Variants in LMTK2 observed in about 807,000 individuals in gnomAD.
The protein encoded by LMTK2 is serine/threonine-protein kinase LMTK2.
Under a neutral mutation model 127.5 loss-of-function variants are expected in LMTK2, and 37 were observed. The observed-to-expected ratio is 0.29, with a 90% CI of 0.22 to 0.38. The LOEUF (loss-of-function observed/expected upper bound fraction) is 0.38, where lower values mean the gene tolerates loss of function less well. Ranked by LOEUF, LMTK2 falls within the 10% of genes least tolerant of loss-of-function variation. The pLI is 1.00. For missense variants in LMTK2, 1,694 were observed against 1,920.3 expected, an observed-to-expected ratio of 0.88 and a Z score of 2.20; for synonymous variants, 819 against 810.1, an observed-to-expected ratio of 1.01 and a Z score of -0.19.
chr7:98,192,729 C>G lies in LMTK2; in HGVS notation c.2264C>G (p.Thr755Ser), dbSNP rs1797550954. 1.9e-6 allele frequency: 3 copies of G among 1,612,690 alleles called. No homozygotes were observed. Among genetic ancestry groups the G allele is most frequent in the Non-Finnish European group, 2.5e-6 (3 of 1,179,374 alleles). Residue 755 changes from threonine (T) to serine (S), a missense_variant, in exon 11 of 14, where the codon ACT (threonine) becomes AGT (serine). By Grantham distance (58) the Thr-to-Ser change is moderately conservative. Transcript: ENST00000297293. ...ACAGAACTTAAGAATGCTGGTTTTA[C>G]TGAAGCTATGTTAGAAACGTCATGT... ...LQTELKNAGF[T>S]EAMLETSCRN... is the part of the protein sequence containing the mutation.
chr7:98,203,463 C>CAAG (rs1468846368), intron 11 of LMTK2, 111 bp from the exon 12 acceptor site: 1 of 1,373,990 alleles, frequency 7.3e-7, no homozygotes, highest in Non-Finnish European at 9.7e-7. Flanking sequence ...TGTCTTGAGA[C>CAAG]GCTTACTTCT....
At chr7:98,140,080 T>TAC (rs1259405554) in intron 2 of LMTK2, among the ~76,000 whole-genome samples, 64 of 3,102 alleles carry the variant, frequency 0.021, no homozygotes, top group East Asian at 0.062. Flanking sequence ...TTCCACAACT[T>TAC]TCTTTCTTTC....
At chr7:98,157,026 T>G (rs182531157) in intron 5 of LMTK2, among the ~76,000 whole-genome samples, 1 of 152,088 alleles carries the variant, frequency 6.6e-6, no homozygotes, top group Admixed American at 6.6e-5. Flanking sequence ...GGCTGGAGGA[T>G]TGCTTGAGCC....
chr7:98,196,151 T>C (rs779557382), intron 11 of LMTK2, among the ~76,000 whole-genome samples: 68 of 150,060 alleles, frequency 4.5e-4, no homozygotes, highest in African/African-American at 5.7e-4. Flanking sequence ...ATTGCACCAC[T>C]GCACTCCAGC....
chr7:98,184,797 G>A lies in LMTK2; in HGVS notation c.792-254G>A, dbSNP rs371602317. On this transcript the variant is annotated intron_variant, in intron 7 of 13. Coordinates refer to ENST00000297293, the MANE Select transcript of LMTK2 (RefSeq NM_014916.4). ...CATACATCCGGTTTTAATGTAGAAC[G>A]TGGTACAGATATGGTCAGTATTTAA... Among the ~76,000 whole-genome samples the A allele has an allele frequency of 6.6e-5, 10 of 152,202 alleles. No individual in the cohort carries two copies. In the East Asian group the frequency reaches 1.3e-3, roughly 20 times the overall value.
intron 1 of LMTK2, among the ~76,000 whole-genome samples, chr7:98,115,393 G>A (rs574399396): frequency 6.6e-6 from 1 of 151,870 alleles, no homozygotes; most frequent in Non-Finnish European, 1.5e-5. Flanking sequence ...ACCAGCCTGG[G>A]CGACAGAGCG....
chr7:98,158,118 C>T (rs1009629944), intron 5 of LMTK2, among the ~76,000 whole-genome samples: 5 of 152,132 alleles, frequency 3.3e-5, no homozygotes, highest in African/African-American at 4.8e-5. Context: ...TTTTGGCATA[C>T]CTTTTATTTA....
intron 1 of LMTK2, among the ~76,000 whole-genome samples, chr7:98,119,149 T>A (rs571387182): frequency 6.6e-6 from 1 of 150,570 alleles, no homozygotes; most frequent in South Asian, 2.1e-4. Flanking sequence ...ACCAGCTGAA[T>A]CAAAATGCTG....
chr7:98,161,328 A>G (rs1797013485), intron 6 of LMTK2, among the ~76,000 whole-genome samples: 1 of 152,216 alleles, frequency 6.6e-6, no homozygotes, highest in Non-Finnish European at 1.5e-5. Context: ...CCTGCCCCAA[A>G]GGAGCTGGAA....
At chr7:98,157,829 TG>T (rs985437957) in intron 5 of LMTK2, among the ~76,000 whole-genome samples, 5 of 152,132 alleles carry the variant, frequency 3.3e-5, no homozygotes, top group African/African-American at 1.2e-4. Flanking sequence ...GGGGTACACA[TG>T]GGTGGGGCGG....
intron 1 of LMTK2, among the ~76,000 whole-genome samples, chr7:98,128,224 C>T (rs1796471177): frequency 6.6e-6 from 1 of 152,200 alleles, no homozygotes; most frequent in Non-Finnish European, 1.5e-5. Context: ...CTGAGTTTTA[C>T]CCCTCCATGT....
At chr7:98,147,922 G>A (rs1346314637) in intron 3 of LMTK2, among the ~76,000 whole-genome samples, 1 of 152,134 alleles carries the variant, frequency 6.6e-6, no homozygotes, top group African/African-American at 2.4e-5. Context: ...TTGATGTAAA[G>A]TCTTTTCTAG....
chr7:98,110,672 G>C (rs1177933736), intron 1 of LMTK2, among the ~76,000 whole-genome samples: 1 of 152,220 alleles, frequency 6.6e-6, no homozygotes, highest in Non-Finnish European at 1.5e-5. Flanking sequence ...GAAAGATCTT[G>C]TATATGTGAA....
At chr7:98,141,246 C>G in intron 2 of LMTK2, 151 bp from the exon 3 acceptor site, 1 of 642,748 alleles carries the variant, frequency 1.6e-6, no homozygotes, top group Admixed American at 2.9e-5. Context: ...TGTTTGGAGT[C>G]AGAGAACAAA....
chr7:98,131,584 G>A (rs1297706356), intron 1 of LMTK2, among the ~76,000 whole-genome samples: 2 of 152,052 alleles, frequency 1.3e-5, no homozygotes, highest in East Asian at 1.9e-4. Flanking sequence ...CTGTTGCATA[G>A]GTGGTGATGT....
intron 7 of LMTK2, among the ~76,000 whole-genome samples, chr7:98,176,380 T>A (rs895350301): frequency 2.0e-5 from 3 of 152,210 alleles, no homozygotes; most frequent in Non-Finnish European, 2.9e-5. Context: ...ATGCTATTGC[T>A]AAATGGCAAA....
In LMTK2 at chr7:98,168,070, A is replaced by G. The variant is rs115164988; in HGVS notation, c.658-3471A>G. ...GCAGCTGCCACTGAATGGTGGATGCAAGTGCTTCTGATGGTGGCAAGGGGT... is the reference window on the plus strand; with the variant it reads ...GCAGCTGCCACTGAATGGTGGATGCGAGTGCTTCTGATGGTGGCAAGGGGT... On this transcript the variant is annotated intron_variant, in intron 6 of 13. Transcript: ENST00000297293. 8.1e-3 allele frequency among the ~76,000 whole-genome samples: 1,233 copies of G among 152,258 alleles called. 24 individuals carry two copies. Among genetic ancestry groups the G allele is most frequent in the African/African-American group, 0.028 (1,147 of 41,544 alleles).
chr7:98,205,865 G>A lies in LMTK2; in HGVS notation c.*373G>A. On this transcript the variant is annotated 3_prime_UTR_variant, in exon 14 of 14. Transcript: ENST00000297293. Reference sequence around the variant, plus strand: ...CAGGGGCGTCTCTGCGTCCACGCCTGCACATCCCGGCGCACGTGTGGGCAC... The same window carrying A: ...CAGGGGCGTCTCTGCGTCCACGCCTACACATCCCGGCGCACGTGTGGGCAC... 5 of 266,590 alleles carry A rather than the reference G, an allele frequency of 1.9e-5. No homozygotes were observed. The South Asian group carries it at 3.4e-4, about 18-fold the overall frequency. The allele number at this position is 266,590 out of a possible 1,614,324, so 16.5% of individuals were successfully genotyped here. A position where few individuals can be genotyped will look rare whatever the true frequency, so the allele number is the denominator to read the frequency against.
intron 1 of LMTK2, among the ~76,000 whole-genome samples, chr7:98,113,166 A>G (rs1796227831): frequency 6.6e-6 from 1 of 152,164 alleles, no homozygotes. Context: ...CATGGGAGAT[A>G]GTTGAATCAT....
Sources: allele counts gnomAD v4.1 joint callset (sites outside exome capture counted in the v4.1 genomes callset), GRCh38; gene constraint gnomAD v4.1.1; transcripts MANE v1.5; gene names NCBI Gene and HGNC (gene_info 2026-07-23, HGNC 2026-07-21).